The following ATG10 variants were observed in gnomAD, a reference collection of about 807,000 sequenced individuals.
ATG10 encodes the protein autophagy related 10, also known as ubiquitin-like-conjugating enzyme ATG10.
A neutral mutation model predicts 32.1 loss-of-function variants in ATG10; 30 were observed. The ratio of observed to expected loss-of-function variants is 0.94; its 90% CI spans 0.70 to 1.27. The LOEUF is 1.27. ATG10 is among the 50% of genes most tolerant of loss of function. ATG10 has a pLI of 0.00. For missense variants in ATG10, 233 were observed against 262.3 expected, an observed-to-expected ratio of 0.89 and a Z score of 0.77; for synonymous variants, 87 against 91.5, an observed-to-expected ratio of 0.95 and a Z score of 0.28.
At chr5:82,060,737 C>T (rs562894028) in intron 3 of ATG10, among the ~76,000 whole-genome samples, 13 of 151,998 alleles carry the variant, frequency 8.6e-5, no homozygotes, top group African/African-American at 2.2e-4. Flanking sequence ...TGGGGGCTTG[C>T]GCCTATGGTC....
At chr5:82,164,627 A>T in intron 4 of ATG10, 90 bp downstream of exon 4, 2 of 1,297,778 alleles carry the variant, frequency 1.5e-6, no homozygotes, top group Non-Finnish European at 2.1e-6. Flanking sequence ...CAGAGGAAAA[A>T]AAATAGAGTT....
At chr5:82,120,086 T>C (rs139512628) in intron 3 of ATG10, among the ~76,000 whole-genome samples, 21 of 152,196 alleles carry the variant, frequency 1.4e-4, no homozygotes, top group African/African-American at 4.6e-4. Context: ...GGGTTGCTAC[T>C]CCTTTATGAC....
chr5:82,220,793 G>A (rs1338828315), intron 5 of ATG10, among the ~76,000 whole-genome samples: 3 of 145,824 alleles, frequency 2.1e-5, no homozygotes, highest in East Asian at 2.0e-4. Context: ...ATGGAATCTC[G>A]CTTTGTTGCC....
At chr5:82,132,887 C>T (rs531066536) in intron 3 of ATG10, among the ~76,000 whole-genome samples, 128 of 152,268 alleles carry the variant, frequency 8.4e-4, no homozygotes, top group African/African-American at 2.8e-3. Flanking sequence ...TTCTCCACAT[C>T]CTCTCCAGCA....
At chr5:81,995,005 C>T (rs1761618058) in intron 2 of ATG10, among the ~76,000 whole-genome samples, 1 of 152,192 alleles carries the variant, frequency 6.6e-6, no homozygotes, top group African/African-American at 2.4e-5. Context: ...TTTGTGCCTT[C>T]ATGGATTCCT....
At chr5:82,085,162 A>G (rs2149786873) in intron 3 of ATG10, among the ~76,000 whole-genome samples, 1 of 152,286 alleles carries the variant, frequency 6.6e-6, no homozygotes, top group Non-Finnish European at 1.5e-5. Context: ...GGAAAACAAA[A>G]AAAAGCAGGG....
At chr5:82,044,998 G>T (rs1763193700) in intron 2 of ATG10, among the ~76,000 whole-genome samples, 1 of 152,122 alleles carries the variant, frequency 6.6e-6, no homozygotes, top group African/African-American at 2.4e-5. Context: ...GTCTCCCCAA[G>T]TTAGTAATAC....
intron 3 of ATG10, among the ~76,000 whole-genome samples, chr5:82,156,723 C>T (rs1668926292): frequency 6.6e-6 from 1 of 152,152 alleles, no homozygotes; most frequent in African/African-American, 2.4e-5. Context: ...CAAAATTTTC[C>T]CCTCTTCCTC....
At chr5:82,157,215 A>G (rs1767833399) in intron 3 of ATG10, among the ~76,000 whole-genome samples, 1 of 152,146 alleles carries the variant, frequency 6.6e-6, no homozygotes, top group African/African-American at 2.4e-5. Context: ...TAGCAGGGAG[A>G]GTAAAGAATG....
intron 5 of ATG10, among the ~76,000 whole-genome samples, chr5:82,244,372 A>C (rs1192489582): frequency 6.6e-6 from 1 of 152,138 alleles, no homozygotes; most frequent in Non-Finnish European, 1.5e-5. Flanking sequence ...TCTGCCCCTC[A>C]CTACATGGAT....
At chr5:82,169,985 C>T (rs973311151) in intron 4 of ATG10, among the ~76,000 whole-genome samples, 2 of 152,120 alleles carry the variant, frequency 1.3e-5, no homozygotes, top group African/African-American at 2.4e-5. Flanking sequence ...AAATCAAGCC[C>T]TGTTTTGAAA....
In ATG10 at chr5:81,988,340, T is replaced by C. The variant is rs574810120; in HGVS notation, c.108+662T>C. Among the ~76,000 whole-genome samples, 8 of 152,172 alleles carry C rather than the reference T, an allele frequency of 5.3e-5. No individual in the cohort carries two copies. The East Asian group carries it at 1.5e-3, about 29-fold the overall frequency. ...TTTTAGTAGAGATGGGGTTTTGCCA[T>C]GTTGGCCAGGGTGGTCTCGAACTCC... On this transcript the variant is annotated intron_variant, in intron 2 of 7. Coordinates refer to ENST00000282185, the MANE Select transcript of ATG10 (RefSeq NM_031482.5).
chr5:82,242,241 A>G (rs1221792095), intron 5 of ATG10, among the ~76,000 whole-genome samples: 2 of 152,318 alleles, frequency 1.3e-5, no homozygotes, highest in East Asian at 3.9e-4. Context: ...TTAGAAAAGT[A>G]TATAATGTCT....
At chr5:82,164,261 A>G in intron 3 of ATG10, 138 bp from the exon 4 acceptor site, 1 of 794,590 alleles carries the variant, frequency 1.3e-6, no homozygotes, top group Non-Finnish European at 2.0e-6. Flanking sequence ...TAATATGGGA[A>G]ACTCCCTTTT....
intron 3 of ATG10, among the ~76,000 whole-genome samples, chr5:82,139,532 A>G (rs1272863627): frequency 4.1e-4 from 49 of 120,674 alleles, no homozygotes; most frequent in Middle Eastern, 6.2e-3. Context: ...TGCCCGGCCG[A>G]GACCCCGTCT....
chr5:82,179,526 T>A (rs1394574612), intron 5 of ATG10, among the ~76,000 whole-genome samples: 1 of 152,058 alleles, frequency 6.6e-6, no homozygotes, highest in Non-Finnish European at 1.5e-5. Flanking sequence ...AGAAAATAGA[T>A]CTGCAAAAGT....
intron 1 of ATG10, chr5:81,972,584 C>T (rs1581551107): frequency 6.6e-6 from 1 of 152,326 alleles, no homozygotes; most frequent in South Asian, 2.1e-4. Flanking sequence ...ACCCAAAGCA[C>T]CCTCGAAGTG....
chr5:82,252,374 C>T (rs1375906812), intron 5 of ATG10, among the ~76,000 whole-genome samples, 188 bp from the exon 6 acceptor site: 1 of 152,198 alleles, frequency 6.6e-6, no homozygotes, highest in African/African-American at 2.4e-5. Flanking sequence ...ATGAATAGTC[C>T]TTTCTCACCA....
intron 5 of ATG10, among the ~76,000 whole-genome samples, chr5:82,190,947 A>C (rs1744640740): frequency 6.6e-6 from 1 of 152,146 alleles, no homozygotes; most frequent in South Asian, 2.1e-4. Flanking sequence ...ATTGTCAAAT[A>C]TTATTTGGAA....
Sources: gnomAD v4.1 joint callset for allele counts (sites outside exome capture counted in the v4.1 genomes callset) on GRCh38, gnomAD v4.1.1 for gene constraint, MANE v1.5 for transcripts, NCBI Gene and HGNC (gene_info 2026-07-23, HGNC 2026-07-21) for gene names.